TYW1B: variants seen among roughly 807,000 people sequenced by gnomAD.
TYW1B encodes S-adenosyl-L-methionine-dependent tRNA 4-demethylwyosine synthase TYW1B.
A neutral mutation model predicts 86.9 loss-of-function variants in TYW1B; 73 were observed. That is an observed-to-expected ratio of 0.84 (90% CI 0.70 to 1.02). The LOEUF (loss-of-function observed/expected upper bound fraction) is 1.02. Among genes scored for constraint, TYW1B ranks in the 50% least tolerant of loss-of-function variants. The pLI is 0.00. For missense variants in TYW1B, 637 were observed against 827.4 expected (o/e 0.77, Z 2.82); for synonymous variants, 248 against 292.8 (o/e 0.85, Z 1.56).
chr7:72,630,755 G>A (rs1274247582), intron 11 of TYW1B, among the ~76,000 whole-genome samples: 17 of 151,826 alleles, frequency 1.1e-4, no homozygotes, highest in African/African-American at 4.1e-4. Context: ...AGGAAAGACA[G>A]AAATCTTCCA....
At chr7:72,618,750 A>T (rs1554437378) in intron 12 of TYW1B, among the ~76,000 whole-genome samples, 1 of 152,194 alleles carries the variant, frequency 6.6e-6, no homozygotes, top group Non-Finnish European at 1.5e-5. Context: ...TGATTTAGAG[A>T]ATTCATTAAA....
chr7:72,647,256 G>A (rs868957552), intron 11 of TYW1B, among the ~76,000 whole-genome samples: 2 of 152,138 alleles, frequency 1.3e-5, no homozygotes, highest in Non-Finnish European at 1.5e-5. Flanking sequence ...CGGTGGGAGT[G>A]TAATTCAGTA....
chr7:72,632,285 G>GTATATATATATATATATTATA, intron 11 of TYW1B, among the ~76,000 whole-genome samples: 1 of 83,544 alleles, frequency 1.2e-5, no homozygotes, highest in African/African-American at 7.2e-5. Flanking sequence ...ATATATACGT[G>GTATATATATATATATATTATA]TATATATATA....
intron 6 of TYW1B, among the ~76,000 whole-genome samples, chr7:72,791,881 A>T (rs1788225761): frequency 6.6e-6 from 1 of 152,176 alleles, no homozygotes; most frequent in South Asian, 2.1e-4. Context: ...TGAGTATAAA[A>T]GCTTTCAGGG....
At chr7:72,802,810 A>G (rs1192893425) in intron 5 of TYW1B, among the ~76,000 whole-genome samples, 1 of 152,050 alleles carries the variant, frequency 6.6e-6, no homozygotes, top group Non-Finnish European at 1.5e-5. Flanking sequence ...TAGTAGAGAC[A>G]GGGTTTCACC....
At chr7:72,627,577 A>G (rs2129568671) in intron 12 of TYW1B, among the ~76,000 whole-genome samples, 1 of 152,308 alleles carries the variant, frequency 6.6e-6, no homozygotes, top group Admixed American at 6.5e-5. Context: ...CAACCACCAT[A>G]TCTAGTAAAA....
chr7:72,713,774 C>T lies in TYW1B; in HGVS notation c.1217G>A (p.Arg406His), dbSNP rs781843856. 5.0e-6 allele frequency: 8 copies of T among 1,595,826 alleles called. No individual in the cohort carries two copies. Among genetic ancestry groups the T allele is most frequent in the South Asian group, 1.1e-5 (1 of 89,114 alleles). Reference protein sequence around the residue: ...FKGVPGVKAERFEEGMTVKHC... With the variant: ...FKGVPGVKAEHFEEGMTVKHC... ...CTTTACCGTCATTCCTTCTTCAAAG[C>T]GTTCTGCTTTGACGCCCGGTACTCC... The change falls in exon 10 of 14, where the codon CGC becomes CAC. Residue 406 changes from arginine (R) to histidine (H), a missense_variant. Arg to His is a conservative substitution (Grantham distance 29, BLOSUM62 0). Coordinates refer to ENST00000620995, the MANE Select transcript of TYW1B (RefSeq NM_001145440.3).
At chr7:72,815,260 T>C (rs1586006244) in intron 3 of TYW1B, 120 bp downstream of exon 3, 3 of 927,318 alleles carry the variant, frequency 3.2e-6, no homozygotes, top group Admixed American at 3.2e-5. Context: ...CTAACTGAAA[T>C]CCCTTAGCAC....
intron 3 of TYW1B, among the ~76,000 whole-genome samples, chr7:72,814,593 AC>A (rs1176095095): frequency 2.0e-5 from 3 of 151,830 alleles, no homozygotes; most frequent in Admixed American, 1.3e-4. Flanking sequence ...CAAAAAAAAA[AC>A]AAAAAAAACT....
intron 11 of TYW1B, among the ~76,000 whole-genome samples, chr7:72,659,799 T>C (rs1813289011): frequency 1.4e-5 from 2 of 147,280 alleles, no homozygotes; most frequent in South Asian, 4.3e-4. Context: ...AAGGAGAGAG[T>C]TTCAAGAGGC....
At chr7:72,605,538 G>C (rs1811773344) in intron 13 of TYW1B, among the ~76,000 whole-genome samples, 1 of 152,020 alleles carries the variant, frequency 6.6e-6, no homozygotes, top group South Asian at 2.1e-4. Context: ...ATTTATAGTA[G>C]AGATGGGGTT....
intron 11 of TYW1B, among the ~76,000 whole-genome samples, chr7:72,687,803 C>T (rs35465201): frequency 3.9e-5 from 6 of 151,996 alleles, no homozygotes; most frequent in African/African-American, 1.4e-4. Flanking sequence ...TGCCTGTAAT[C>T]CCAGCATTTT....
intron 13 of TYW1B, among the ~76,000 whole-genome samples, chr7:72,604,180 T>C (rs2129568122): frequency 6.6e-6 from 1 of 152,174 alleles, no homozygotes; most frequent in East Asian, 1.9e-4. Flanking sequence ...ATAATAATAA[T>C]TGGCCAGGTG....
chr7:72,692,913 C>T lies in TYW1B; in HGVS notation c.1506+1774G>A, dbSNP rs190479353. Among the ~76,000 whole-genome samples, 429 of 152,080 alleles carry T rather than the reference C, an allele frequency of 2.8e-3. 2 individuals carry two copies. The highest frequency in any genetic ancestry group is 0.01 in the Middle Eastern group (3 of 294). ...CCTGGGGAATAAGGTGAAAAATGAG[C>T]CAGGAAATGTACATCGAGGCCAGAC... On this transcript the variant is annotated intron_variant, in intron 11 of 13. Coordinates refer to ENST00000620995, the MANE Select transcript of TYW1B (RefSeq NM_001145440.3).
intron 7 of TYW1B, among the ~76,000 whole-genome samples, chr7:72,774,062 C>CAAAAAAAAAA (rs35480783): frequency 1.8e-5 from 1 of 54,824 alleles, no homozygotes; most frequent in Non-Finnish European, 4.3e-5. Context: ...AACTCCATCT[C>CAAAAAAAAAA]AAAAAAAAAA....
chr7:72,683,424 G>T (rs782201325), intron 11 of TYW1B, among the ~76,000 whole-genome samples: 1 of 152,126 alleles, frequency 6.6e-6, no homozygotes, highest in South Asian at 2.1e-4. Flanking sequence ...ACAAAAATTA[G>T]TGGAGCATGG....
chr7:72,823,803 T>C (rs1281197321), intron 2 of TYW1B, among the ~76,000 whole-genome samples: 1 of 152,086 alleles, frequency 6.6e-6, no homozygotes, highest in African/African-American at 2.4e-5. Context: ...TCAATAACTT[T>C]TATGTAATGT....
At chr7:72,738,849 T>C (rs1165396523) in intron 8 of TYW1B, among the ~76,000 whole-genome samples, 3 of 152,016 alleles carry the variant, frequency 2.0e-5, no homozygotes, top group South Asian at 2.1e-4. Flanking sequence ...GAGGGGAGGA[T>C]TGCTTCAGGC....
chr7:72,659,155 T>C (rs1554444106), intron 11 of TYW1B, among the ~76,000 whole-genome samples: 2 of 152,108 alleles, frequency 1.3e-5, no homozygotes, highest in African/African-American at 4.8e-5. Flanking sequence ...AACAGAAAAA[T>C]GACCTCCCAC....
Sources: gnomAD v4.1 joint callset for allele counts (sites outside exome capture counted in the v4.1 genomes callset) on GRCh38, gnomAD v4.1.1 for gene constraint, MANE v1.5 for transcripts, NCBI Gene and HGNC (gene_info 2026-07-23, HGNC 2026-07-21) for gene names.